APCDD1L: variants seen among roughly 807,000 people sequenced by gnomAD.
APCDD1L encodes APC down-regulated 1 like.
Under a neutral mutation model 24.2 loss-of-function variants are expected in APCDD1L, and 21 were observed. The observed-to-expected ratio is 0.87, with a 90% CI of 0.61 to 1.25. The LOEUF is 1.25. Ranked by LOEUF, APCDD1L falls within the 50% of genes most tolerant of loss-of-function variation. The pLI is 0.00. For synonymous variants in APCDD1L, 321 were observed against 323.6 expected (o/e 0.99, Z 0.09); for missense variants, 704 against 711.7 (o/e 0.99, Z 0.12).
chr20:58,474,961 A>G (rs1234704137), intron 1 of APCDD1L, among the ~76,000 whole-genome samples: 1 of 152,048 alleles, frequency 6.6e-6, no homozygotes, highest in Non-Finnish European at 1.5e-5. Context: ...ATATTTCATA[A>G]AGATGGAATC....
At chr20:58,468,871 TA>T (rs1989764947) in intron 2 of APCDD1L, among the ~76,000 whole-genome samples, 1 of 152,170 alleles carries the variant, frequency 6.6e-6, no homozygotes, top group South Asian at 2.1e-4. Context: ...ATTTTCTTGA[TA>T]TTTTTTTGTA....
At chr20:58,464,825 T>C (rs1989677111) in intron 3 of APCDD1L, among the ~76,000 whole-genome samples, 1 of 151,964 alleles carries the variant, frequency 6.6e-6, no homozygotes, top group Non-Finnish European at 1.5e-5. Flanking sequence ...CAGCAATTCC[T>C]TCTTTGAAAT....
rs1448067544 is a variant in APCDD1L, at chr20:58,508,985, T to A, written c.49+5674A>T. Among the ~76,000 whole-genome samples, 1 of 114,052 alleles carries A rather than the reference T, an allele frequency of 8.8e-6. No individual in the cohort carries two copies. The highest frequency in any genetic ancestry group is 1.8e-5 in the Non-Finnish European group (1 of 55,194). 74.8% of individuals were successfully genotyped at this position (114,052 alleles called of 152,430 possible). On this transcript the variant is annotated intron_variant, in intron 1 of 3. Transcript: ENST00000371149. The surrounding 1 kb of genome is among the most constrained non-coding windows in gnomAD (Gnocchi z 4.0). ...GTCTGTGTGCGCACGTGTGTGTGCA[T>A]GTGCATGCGTGTGTGTGTGTGTGTG...
intron 3 of APCDD1L, among the ~76,000 whole-genome samples, chr20:58,463,665 G>C (rs942953850): frequency 5.3e-5 from 8 of 152,196 alleles, no homozygotes; most frequent in African/African-American, 1.9e-4. Context: ...AACATCTCCT[G>C]CTGTGGCCAT....
At position 58,514,849 on chromosome 20, in the gene APCDD1L, CT is replaced by C. The variant is rs1568758321; in HGVS notation, c.-143del. 1.8e-6 allele frequency: 1 copy of C among 569,170 alleles called. No homozygotes were observed. Among genetic ancestry groups the C allele is most frequent in the East Asian group, 3.6e-5 (1 of 27,746 alleles). The allele number at this position is 569,170 out of a possible 1,614,324, so 35.3% of individuals were successfully genotyped here. ...GAAGTTGCGAGGGTCCTGCGCCCCCCTCGGCGCTCACACGCGCTCAGCCTTC... is the reference window on the plus strand; with the variant it reads ...GAAGTTGCGAGGGTCCTGCGCCCCCCCGGCGCTCACACGCGCTCAGCCTTC... On this transcript the variant is annotated 5_prime_UTR_variant, in exon 1 of 4. Coordinates refer to ENST00000371149, the MANE Select transcript of APCDD1L (RefSeq NM_153360.3).
chr20:58,484,965 T>TTTTA (rs1555822501), intron 1 of APCDD1L, among the ~76,000 whole-genome samples: 4 of 151,938 alleles, frequency 2.6e-5, no homozygotes, highest in Non-Finnish European at 5.9e-5. Flanking sequence ...TTTTTTTTTT[T>TTTTA]ATGAATGCAA....
chr20:58,501,967 G>T (rs997825656), intron 1 of APCDD1L, among the ~76,000 whole-genome samples: 1 of 152,108 alleles, frequency 6.6e-6, no homozygotes, highest in Non-Finnish European at 1.5e-5. Flanking sequence ...CTTAGGACTG[G>T]GCTGCAATGT....
chr20:58,508,993 C>T lies in APCDD1L; in HGVS notation c.49+5666G>A, dbSNP rs1010298570. On this transcript the variant is annotated intron_variant, in intron 1 of 3. Transcript: ENST00000371149. The surrounding 1 kb of genome is among the most constrained non-coding windows in gnomAD (Gnocchi z 4.0). ...GCGCACGTGTGTGTGCATGTGCATG[C>T]GTGTGTGTGTGTGTGTGTGTGTGTG... Among the ~76,000 whole-genome samples the T allele has an allele frequency of 2.2e-4, 33 of 149,424 alleles. No individual in the cohort carries two copies. The highest frequency in any genetic ancestry group is 4.0e-4 in the East Asian group (2 of 5,012).
intron 1 of APCDD1L, among the ~76,000 whole-genome samples, chr20:58,472,459 C>T (rs962729475): frequency 3.3e-5 from 5 of 152,064 alleles, no homozygotes; most frequent in South Asian, 2.1e-4. Flanking sequence ...CGGGGTGTGA[C>T]GGCGTCACCG....
rs1243991394 is a variant in APCDD1L, at chr20:58,460,959, G to A, written c.1337C>T (p.Thr446Ile). ...SSPDTPEKRP[T>I]SYQAPLVLCH... ...GAGCACCAGGGGTGCTTGGTAGGAG[G>A]TGGGACGTTTCTCTGGGGTATCGGG... is the stretch of plus-strand genomic sequence containing the variant. The change falls in exon 4 of 4, where the codon ACC (threonine) becomes ATC (isoleucine). Residue 446 changes from threonine to isoleucine, a missense_variant. By Grantham distance (89) the Thr-to-Ile change is moderately conservative (BLOSUM62 -1). Transcript: ENST00000371149. This position sits in a 1 kb window ranked among gnomAD's most constrained non-coding sequence, Gnocchi z 4.2. 1.9e-6 allele frequency: 3 copies of A among 1,614,166 alleles called. No individual in the cohort carries two copies. The highest frequency in any genetic ancestry group is 1.7e-5 in the Admixed American group (1 of 60,032).
chr20:58,488,153 G>C (rs571582589), intron 1 of APCDD1L, among the ~76,000 whole-genome samples: 4 of 152,264 alleles, frequency 2.6e-5, no homozygotes, highest in Admixed American at 2.0e-4. Context: ...TCTGAGTAGC[G>C]TGATGAAATC....
chr20:58,486,705 T>C (rs1467975439), intron 1 of APCDD1L, among the ~76,000 whole-genome samples: 1 of 152,054 alleles, frequency 6.6e-6, no homozygotes, highest in Non-Finnish European at 1.5e-5. Flanking sequence ...CCTAGATTTG[T>C]GTACCCATCA....
chr20:58,467,179 T>C lies in APCDD1L; in HGVS notation c.668A>G (p.Asp223Gly). The C allele has an allele frequency of 1.2e-6, 2 of 1,606,510 alleles. No individual in the cohort carries two copies. The highest frequency in any genetic ancestry group is 1.7e-6 in the Non-Finnish European group (2 of 1,179,432). ...CCTCTCCGCCGGGTCGGTGTGGATG[T>C]CCCCCAGGTACAGCTCCTCCACCAG... Reference protein sequence around the residue: ...PRLVEELYLGDIHTDPAERRH... With the variant: ...PRLVEELYLGGIHTDPAERRH... Residue 223 changes from aspartate to glycine, a missense_variant, in exon 3 of 4, where the codon GAC becomes GGC. By Grantham distance (94) the Asp-to-Gly change is moderately conservative. Transcript: ENST00000371149. The surrounding 1 kb of genome is among the most constrained non-coding windows in gnomAD (Gnocchi z 5.9).
At chr20:58,462,293 G>C (rs910495740) in intron 3 of APCDD1L, among the ~76,000 whole-genome samples, 2 of 152,118 alleles carry the variant, frequency 1.3e-5, no homozygotes, top group African/African-American at 4.8e-5. Flanking sequence ...TTATAGCTGA[G>C]GGAGCTGAGA....
chr20:58,470,636 C>A lies in APCDD1L; in HGVS notation c.161G>T (p.Arg54Leu), dbSNP rs148393493. 2 of 1,584,208 alleles carry A rather than the reference C, an allele frequency of 1.3e-6. No individual in the cohort carries two copies. Among genetic ancestry groups the A allele is most frequent in the Admixed American group, 1.8e-5 (1 of 55,018 alleles). ...TGTGGAGATCCAAGGTCCATTAAGG[C>A]GTGGAGGCAGGATCGCAGTGCTGGG... ...RVPSTAILPP[R>L]LNGPWISTGC... The change falls in exon 2 of 4, where the codon CGC (arginine) becomes CTC (leucine). Residue 54 changes from arginine (R) to leucine (L), a missense_variant. By Grantham distance (102) the Arg-to-Leu change is moderately radical. Coordinates refer to ENST00000371149, the MANE Select transcript of APCDD1L (RefSeq NM_153360.3).
chr20:58,476,469 G>A lies in APCDD1L; in HGVS notation c.50-5722C>T, dbSNP rs570288611. Among the ~76,000 whole-genome samples, 15 of 152,332 alleles carry A rather than the reference G, an allele frequency of 9.8e-5. No individual in the cohort carries two copies. In the East Asian group the frequency reaches 1.4e-3, roughly 14 times the overall value. The stretch of plus-strand genomic sequence containing the variant: ...TTCCCAAAGTTCTGGGATTACAGGC[G>A]TGAGCCACTGCGCCCTGCCCCAAAT... On this transcript the variant is annotated intron_variant, in intron 1 of 3. Coordinates refer to ENST00000371149, the MANE Select transcript of APCDD1L (RefSeq NM_153360.3).
intron 1 of APCDD1L, among the ~76,000 whole-genome samples, chr20:58,477,296 G>T (rs567774974): frequency 6.6e-6 from 1 of 152,258 alleles, no homozygotes; most frequent in South Asian, 2.1e-4. Context: ...GCATTGTATT[G>T]AGCTGTCATG....
At chr20:58,501,069 T>C (rs1212869357) in intron 1 of APCDD1L, among the ~76,000 whole-genome samples, 1 of 152,226 alleles carries the variant, frequency 6.6e-6, no homozygotes, top group Non-Finnish European at 1.5e-5. Context: ...AGATCTGGAA[T>C]ACTACCAGTC....
At chr20:58,496,030 C>T (rs573601297) in intron 1 of APCDD1L, among the ~76,000 whole-genome samples, 3 of 152,324 alleles carry the variant, frequency 2.0e-5, no homozygotes, top group African/African-American at 7.2e-5. Flanking sequence ...AATGACATAC[C>T]GTCTTTAGGA....
Sources: gnomAD v4.1 joint callset for allele counts (sites outside exome capture counted in the v4.1 genomes callset) on GRCh38, gnomAD v4.1.1 for gene constraint, Gnocchi (gnomAD v3.1) non-coding constraint, MANE v1.5 for transcripts, NCBI Gene and HGNC (gene_info 2026-07-23, HGNC 2026-07-21) for gene names.